Variants in RBFOX2 observed in about 807,000 individuals in gnomAD.
RBFOX2 encodes RNA binding protein fox-1 homolog 2.
Under a neutral mutation model 49.1 loss-of-function variants are expected in RBFOX2, and 10 were observed. The observed-to-expected ratio is 0.20, with a 90% CI of 0.13 to 0.35. The LOEUF (loss-of-function observed/expected upper bound fraction) is 0.35. RBFOX2 is among the 10% of genes least tolerant of loss of function. RBFOX2 has a pLI of 1.00. For missense variants in RBFOX2, 323 were observed against 486.9 expected (o/e 0.66, Z 3.17); for synonymous variants, 183 against 187.4 (o/e 0.98, Z 0.19).
intron 1 of RBFOX2, among the ~76,000 whole-genome samples, chr22:35,951,804 T>C (rs2054975247): frequency 2.0e-5 from 3 of 152,194 alleles, no homozygotes. Flanking sequence ...CAAATCCAGG[T>C]CTGTCTTACA....
intron 1 of RBFOX2, among the ~76,000 whole-genome samples, chr22:36,001,158 A>C (rs2058398698): frequency 6.6e-6 from 1 of 151,278 alleles, no homozygotes; most frequent in South Asian, 2.1e-4. Context: ...AATTACATTC[A>C]AATGTTTTTC....
At chr22:35,837,531 GCACAA>G (rs1345397493) in intron 1 of RBFOX2, among the ~76,000 whole-genome samples, 1 of 151,526 alleles carries the variant, frequency 6.6e-6, no homozygotes, top group Non-Finnish European at 1.5e-5. Context: ...ACACACGCAG[GCACAA>G]CACAACACAA....
chr22:35,770,025 T>C (rs892620536), intron 4 of RBFOX2, among the ~76,000 whole-genome samples: 1 of 152,194 alleles, frequency 6.6e-6, no homozygotes, highest in Non-Finnish European at 1.5e-5. Flanking sequence ...ATGTGTAAGT[T>C]TGTTGAAAAT....
intron 9 of RBFOX2, among the ~76,000 whole-genome samples, chr22:35,751,326 A>G (rs555716333): frequency 3.3e-5 from 5 of 152,056 alleles, no homozygotes; most frequent in African/African-American, 7.2e-5. Context: ...TGAGGAGGAG[A>G]GTGTGTATTT....
At chr22:35,978,602 A>G (rs533339770) in intron 1 of RBFOX2, among the ~76,000 whole-genome samples, 2 of 152,206 alleles carry the variant, frequency 1.3e-5, no homozygotes, top group Non-Finnish European at 2.9e-5. Context: ...AAATAAGGAA[A>G]TGTCCCATGA....
At chr22:35,861,820 T>C (rs1301814683) in intron 1 of RBFOX2, among the ~76,000 whole-genome samples, 5 of 152,108 alleles carry the variant, frequency 3.3e-5, no homozygotes, top group African/African-American at 9.7e-5. Context: ...AATATGAATA[T>C]GAATACTCAT....
chr22:36,017,395 T>G (rs1414418160), intron 1 of RBFOX2, among the ~76,000 whole-genome samples: 1 of 151,898 alleles, frequency 6.6e-6, no homozygotes, highest in Non-Finnish European at 1.5e-5. Flanking sequence ...GGCTTGGTGG[T>G]GGGTGCCTGT....
At chr22:35,862,863 A>G (rs1276354521) in intron 1 of RBFOX2, among the ~76,000 whole-genome samples, 2 of 152,246 alleles carry the variant, frequency 1.3e-5, no homozygotes, top group Non-Finnish European at 2.9e-5. Context: ...CAGTTGATAT[A>G]TGAATAGGCC....
chr22:35,835,853 A>C (rs1042614444), intron 1 of RBFOX2, among the ~76,000 whole-genome samples: 1 of 152,180 alleles, frequency 6.6e-6, no homozygotes, highest in East Asian at 1.9e-4. Flanking sequence ...TTCAAGAGAC[A>C]ATCTTGGCCT....
chr22:35,801,041 T>C (rs1450647315), intron 2 of RBFOX2, among the ~76,000 whole-genome samples: 1 of 152,136 alleles, frequency 6.6e-6, no homozygotes, highest in African/African-American at 2.4e-5. Flanking sequence ...TTTCACTACG[T>C]TGAATATGGG....
At chr22:35,992,282 G>A (rs886547840) in intron 1 of RBFOX2, 1 of 151,954 alleles carries the variant, frequency 6.6e-6, no homozygotes, top group South Asian at 2.1e-4. Flanking sequence ...AGAGACAACA[G>A]ATAACCACAC....
chr22:35,774,798 A>T (rs573173493), intron 4 of RBFOX2, among the ~76,000 whole-genome samples: 1 of 152,336 alleles, frequency 6.6e-6, no homozygotes, highest in South Asian at 2.1e-4. Context: ...TCAAATGGGT[A>T]TATCCTAAAA....
chr22:35,970,952 A>C (rs2056838522), intron 1 of RBFOX2, among the ~76,000 whole-genome samples: 1 of 152,174 alleles, frequency 6.6e-6, no homozygotes, highest in Non-Finnish European at 1.5e-5. Flanking sequence ...GCATACCCTC[A>C]GTCTAACCAG....
At chr22:35,984,346 T>G (rs1165958028) in intron 1 of RBFOX2, among the ~76,000 whole-genome samples, 1 of 152,206 alleles carries the variant, frequency 6.6e-6, no homozygotes, top group African/African-American at 2.4e-5. Context: ...CCCTATGCCC[T>G]CAGAAACTCA....
chr22:35,761,452 T>C, exon 7 of RBFOX2: 1 of 1,614,166 alleles, frequency 6.2e-7, no homozygotes, highest in Non-Finnish European at 8.5e-7. Context: ...CTCCAACTAC[T>C]GGGCTTAATT....
intron 1 of RBFOX2, among the ~76,000 whole-genome samples, chr22:35,932,165 G>C (rs779415140): frequency 1.5e-4 from 23 of 152,018 alleles, no homozygotes; most frequent in Non-Finnish European, 3.2e-4. Context: ...GGGAAGAAAA[G>C]TAGTCATCAT....
intron 1 of RBFOX2, among the ~76,000 whole-genome samples, chr22:35,902,849 TCTCA>T (rs2048742928): frequency 6.8e-6 from 1 of 147,606 alleles, no homozygotes; most frequent in Non-Finnish European, 1.5e-5. Context: ...AAGGGGCGGG[TCTCA>T]CTATGTTGCC....
chr22:35,885,209 A>T (rs866407768), intron 1 of RBFOX2, among the ~76,000 whole-genome samples: 1 of 152,164 alleles, frequency 6.6e-6, no homozygotes, highest in African/African-American at 2.4e-5. Context: ...GCAACAACTG[A>T]TCTTCCCAAC....
intron 1 of RBFOX2, among the ~76,000 whole-genome samples, chr22:35,880,269 A>G (rs2045713688): frequency 6.6e-6 from 1 of 152,184 alleles, no homozygotes; most frequent in Admixed American, 6.5e-5. Context: ...GGAGTCCAGG[A>G]TGACTAAGGT....
Sources: gnomAD v4.1 joint callset for allele counts (sites outside exome capture counted in the v4.1 genomes callset) on GRCh38, gnomAD v4.1.1 for gene constraint, MANE v1.5 for transcripts, NCBI Gene and HGNC (gene_info 2026-07-23, HGNC 2026-07-21) for gene names.